TLN2: variants seen among roughly 807,000 people sequenced by gnomAD.
TLN2 encodes the protein talin 2.
A neutral mutation model predicts 294.7 loss-of-function variants in TLN2; 118 were observed. The ratio of observed to expected loss-of-function variants is 0.40; its 90% CI spans 0.34 to 0.47. The LOEUF (loss-of-function observed/expected upper bound fraction) is 0.47. Ranked by LOEUF, TLN2 falls within the 20% of genes least tolerant of loss-of-function variation. TLN2 has a pLI of 0.84. For synonymous variants in TLN2, 1,431 were observed against 1,304.5 expected (o/e 1.10, Z -2.09); for missense variants, 3,083 against 3,282.2 (o/e 0.94, Z 1.48).
chr15:62,784,890 A>C (rs1427255754), intron 45 of TLN2: 1 of 152,230 alleles, frequency 6.6e-6, no homozygotes, highest in African/African-American at 2.4e-5. Context: ...CACTGTCCCC[A>C]AGTTACTCAG....
chr15:62,752,484 G>A (rs1408525141), intron 35 of TLN2, 57 bp downstream of exon 35: 1 of 1,587,646 alleles, frequency 6.3e-7, no homozygotes, highest in Non-Finnish European at 8.6e-7. Context: ...TGTGGGAGGT[G>A]TGGGGGAACT....
intron 10 of TLN2, among the ~76,000 whole-genome samples, chr15:62,674,511 A>AT (rs11394714): frequency 0.91 from 130,759 of 143,492 alleles, 60,398 homozygotes; most frequent in Non-Finnish European, 0.99. Context: ...GGAAAACGAT[A>AT]TTTTTTTTTT....
rs541713763 is a variant in TLN2, at chr15:62,620,919, A to G, written c.-37+2444A>G. 2.0e-3 allele frequency among the ~76,000 whole-genome samples: 279 copies of G among 138,246 alleles called. 2 individuals carry two copies. The highest frequency in any genetic ancestry group is 7.0e-3 in the African/African-American group (258 of 36,860). 90.7% of individuals were successfully genotyped at this position (138,246 alleles called of 152,430 possible). A position where few individuals can be genotyped will look rare whatever the true frequency, so the allele number is the denominator to read the frequency against. ...AGTGGCACAATCTCAGCTCACTGCA[A>G]GCTCCACCTCCCGGGTTCACACTGT... On this transcript the variant is annotated intron_variant, in intron 3 of 58. Coordinates refer to ENST00000636159, the MANE Select transcript of TLN2 (RefSeq NM_015059.3).
At position 62,833,590 on chromosome 15, in the gene TLN2, G is replaced by A. The variant is rs371364757; in HGVS notation, c.7089G>A (p.Ser2363=). 5.0e-6 allele frequency: 8 copies of A among 1,613,988 alleles called. No homozygotes were observed. The highest frequency in any genetic ancestry group is 1.3e-5 in the African/African-American group (1 of 74,912). The change falls in exon 55 of 59, where the codon TCG becomes TCA. Residue 2363 remains serine, a synonymous_variant. Coordinates refer to ENST00000636159, the MANE Select transcript of TLN2 (RefSeq NM_015059.3). ...IAAATSALVK[S]ASAAQRELVA... is the part of the protein sequence containing the mutation. ...CTGCCACAAGCGCCCTGGTCAAATC[G>A]GCCTCAGCAGCCCAGAGGGAGCTGG...
intron 1 of TLN2, among the ~76,000 whole-genome samples, chr15:62,440,766 C>T (rs530418817): frequency 2.2e-4 from 33 of 152,290 alleles, no homozygotes; most frequent in Admixed American, 2.0e-3. Context: ...GCATGTGATA[C>T]CAGTGTACAT....
intron 1 of TLN2, among the ~76,000 whole-genome samples, chr15:62,450,535 ATGTATGTATGTATGTG>A (rs1488759684): frequency 6.5e-4 from 37 of 57,310 alleles, no homozygotes; most frequent in African/African-American, 1.6e-3. Context: ...GTATGTATGT[ATGTATGTATGTATGTG>A]TGTGTGTGTG....
chr15:62,823,990 G>A (rs1555521311), intron 54 of TLN2: 2 of 530,764 alleles, frequency 3.8e-6, no homozygotes, highest in Admixed American at 3.9e-5. Flanking sequence ...TGATATATTA[G>A]GTTGTTATTT....
At chr15:62,660,443 C>A (rs1385154446) in intron 9 of TLN2, among the ~76,000 whole-genome samples, 1 of 152,156 alleles carries the variant, frequency 6.6e-6, no homozygotes, top group Non-Finnish European at 1.5e-5. Context: ...AGGCCCAGAA[C>A]AGTCAAGTGT....
chr15:62,793,906 G>A (rs779277175), intron 46 of TLN2, among the ~76,000 whole-genome samples: 2 of 151,732 alleles, frequency 1.3e-5, no homozygotes, highest in East Asian at 2.0e-4. Flanking sequence ...TGCTCTGTCC[G>A]TGGCCCTCCC....
intron 16 of TLN2, 149 bp from the exon 17 acceptor site, chr15:62,700,957 A>G (rs762947529): frequency 1.3e-4 from 77 of 606,280 alleles, no homozygotes; most frequent in Non-Finnish European, 1.9e-4. Context: ...TGTTAAGGAT[A>G]CTGTTTAGGA....
intron 41 of TLN2, 61 bp downstream of exon 41, chr15:62,766,483 A>G (rs2063015045): frequency 2.2e-5 from 33 of 1,496,068 alleles, no homozygotes; most frequent in Non-Finnish European, 3.0e-5. Context: ...AGAGGGTTTT[A>G]TTGACTTTAC....
At chr15:62,838,792 C>T (rs1400984641) in intron 57 of TLN2, 64 bp from the exon 58 acceptor site, 4 of 1,587,040 alleles carry the variant, frequency 2.5e-6, no homozygotes, top group South Asian at 1.2e-5. Flanking sequence ...ACCTTCATGT[C>T]TATTCTTGCC....
Position 62,719,840 on chromosome 15 carries a change from C to A in TLN2, c.2951C>A (p.Ala984Asp), listed in dbSNP as rs761124694. The change falls in exon 25 of 59, where the codon GCC becomes GAC. Residue 984 changes from alanine (A) to aspartate (D), a missense_variant. Coordinates refer to ENST00000636159, the MANE Select transcript of TLN2 (RefSeq NM_015059.3). The stretch of plus-strand genomic sequence containing the variant: ...CAAGCTCAAGCTGAAGACCTGAGTG[C>A]CCAGCTGGCTCTCATCATCTCCAGC... ...GSQAQAEDLSAQLALIISSQN... is the reference protein window; with the variant it reads ...GSQAQAEDLSDQLALIISSQN... 1.2e-6 allele frequency: 2 copies of A among 1,612,322 alleles called. No individual in the cohort carries two copies. Among genetic ancestry groups the A allele is most frequent in the South Asian group, 1.1e-5 (1 of 90,670 alleles).
At chr15:62,730,815 TC>T (rs1178015913) in intron 28 of TLN2, among the ~76,000 whole-genome samples, 1 of 152,196 alleles carries the variant, frequency 6.6e-6, no homozygotes, top group Non-Finnish European at 1.5e-5. Context: ...TGCATATTTA[TC>T]CTCCTTTGGG....
intron 1 of TLN2, among the ~76,000 whole-genome samples, chr15:62,454,534 G>T (rs1210639369): frequency 6.6e-6 from 1 of 152,098 alleles, no homozygotes; most frequent in African/African-American, 2.4e-5. Context: ...TTATTTGTAG[G>T]TCTGGTCATT....
At chr15:62,582,290 T>C (rs1177454380) in intron 1 of TLN2, among the ~76,000 whole-genome samples, 2 of 147,578 alleles carry the variant, frequency 1.4e-5, no homozygotes, top group Non-Finnish European at 1.5e-5. Context: ...TGTACCCCAG[T>C]TTTTTGGGGC....
chr15:62,441,515 C>T (rs1192055857), intron 1 of TLN2, among the ~76,000 whole-genome samples: 1 of 152,246 alleles, frequency 6.6e-6, no homozygotes, highest in African/African-American at 2.4e-5. Flanking sequence ...TTCACAGTCA[C>T]TCAACAATCC....
intron 1 of TLN2, among the ~76,000 whole-genome samples, chr15:62,508,423 G>T (rs1321016525): frequency 6.6e-6 from 1 of 152,062 alleles, no homozygotes; most frequent in Non-Finnish European, 1.5e-5. Flanking sequence ...CACCATCTTG[G>T]CCAGGCTGGT....
chr15:62,414,163 ACT>A (rs1566952937), intron 1 of TLN2, among the ~76,000 whole-genome samples: 13 of 37,360 alleles, frequency 3.5e-4, no homozygotes, highest in Non-Finnish European at 6.8e-4. Context: ...AAAAAAAAAA[ACT>A]ATATATATAT....
Sources: gnomAD v4.1 joint callset for allele counts (sites outside exome capture counted in the v4.1 genomes callset) on GRCh38, gnomAD v4.1.1 for gene constraint, MANE v1.5 for transcripts, NCBI Gene and HGNC (gene_info 2026-07-23, HGNC 2026-07-21) for gene names.